Variants in WDR49 observed in about 807,000 individuals in gnomAD.
WDR49 encodes the protein cilia- and flagella-associated protein 337.
Under a neutral mutation model 119.5 loss-of-function variants are expected in WDR49, and 107 were observed. The ratio of observed to expected loss-of-function variants is 0.90; its 90% CI spans 0.77 to 1.05. The LOEUF is 1.05. Among genes scored for constraint, WDR49 ranks in the 50% least tolerant of loss-of-function variants. The pLI, the probability that WDR49 is intolerant of heterozygous loss-of-function variation, is 0.00. For missense variants in WDR49, 1,240 were observed against 1,220.5 expected (o/e 1.02, Z -0.24); for synonymous variants, 425 against 418.8 (o/e 1.01, Z -0.18).
In WDR49 at chr3:167,626,841, A is replaced by G; in HGVS notation, c.606+11T>C. On this transcript the variant is annotated intron_variant, in intron 3 of 18. Coordinates refer to ENST00000682715, the MANE Select transcript of WDR49 (RefSeq NM_001366157.1). ...TTACAAGCAGTACATTTTTTTATAA[A>G]GAGTCTGTACCTTGTTTACATTTTC... 8.9e-6 allele frequency: 11 copies of G among 1,234,862 alleles called. No homozygotes were observed. The highest frequency in any genetic ancestry group is 1.1e-5 in the Non-Finnish European group (11 of 988,324). The allele number at this position is 1,234,862 out of a possible 1,614,324, so 76.5% of individuals were successfully genotyped here.
chr3:167,569,997 C>A (rs1713839531), intron 8 of WDR49, among the ~76,000 whole-genome samples: 1 of 151,796 alleles, frequency 6.6e-6, no homozygotes, highest in African/African-American at 2.4e-5. Context: ...TGTGCATGTA[C>A]ATGTATGTTT....
At chr3:167,613,336 A>G (rs79035743) in intron 5 of WDR49, among the ~76,000 whole-genome samples, 3,444 of 152,332 alleles carry the variant, frequency 0.023, 122 homozygotes, top group African/African-American at 0.079. Flanking sequence ...GCACATGTCC[A>G]TGATACAAAT....
intron 18 of WDR49, among the ~76,000 whole-genome samples, chr3:167,499,302 A>G (rs1191444657): frequency 6.6e-6 from 1 of 152,162 alleles, no homozygotes; most frequent in Non-Finnish European, 1.5e-5. Context: ...TACTGCAAAC[A>G]TTATTATTTC....
chr3:167,603,766 C>T (rs1715892897), intron 6 of WDR49, among the ~76,000 whole-genome samples: 1 of 152,022 alleles, frequency 6.6e-6, no homozygotes, highest in Admixed American at 6.6e-5. Context: ...ACTTTTTTTA[C>T]ATCAAAAGAA....
intron 3 of WDR49, among the ~76,000 whole-genome samples, chr3:167,626,235 G>A (rs1189221884): frequency 1.3e-5 from 2 of 151,938 alleles, no homozygotes; most frequent in Non-Finnish European, 2.9e-5. Context: ...GATTAGCCGT[G>A]AATTGAAAAT....
intron 3 of WDR49, among the ~76,000 whole-genome samples, chr3:167,623,859 A>G (rs1716983828): frequency 6.6e-6 from 1 of 152,072 alleles, no homozygotes. Flanking sequence ...CTTCAGAAAG[A>G]TGCAGAATAT....
rs559889666 is a variant in WDR49, at chr3:167,600,837, G to A, written c.1275+1290C>T. 6.6e-5 allele frequency among the ~76,000 whole-genome samples: 10 copies of A among 152,336 alleles called. No individual in the cohort carries two copies. The South Asian group carries it at 1.0e-3, about 16-fold the overall frequency. On this transcript the variant is annotated intron_variant, in intron 7 of 18. Coordinates refer to ENST00000682715, the MANE Select transcript of WDR49 (RefSeq NM_001366157.1). ...TTGCAAAGCCATGAAACTGCATGGT[G>A]AGAAAAGATAATAATTTGATATGAT...
rs73878718 is a variant in WDR49 at position 167,478,784 on chromosome 3, T to C, written c.*94A>G. The C allele has an allele frequency of 4.1e-3, 3,480 of 857,352 alleles. 73 individuals carry two copies. In the African/African-American group the frequency reaches 0.049, roughly 12 times the overall value. The allele number at this position is 857,352 out of a possible 1,614,324, so 53.1% of individuals were successfully genotyped here. On this transcript the variant is annotated 3_prime_UTR_variant, in exon 19 of 19. Transcript: ENST00000682715. The stretch of plus-strand genomic sequence containing the variant: ...CATGAAGAGAAAACTTCCTGAAGTT[T>C]AAATATAAAATAAAATAAAAGGCAG...
intron 18 of WDR49, among the ~76,000 whole-genome samples, chr3:167,493,281 C>G (rs780784583): frequency 6.6e-6 from 1 of 152,184 alleles, no homozygotes. Context: ...AGCAGTTTCC[C>G]CTGTCAGCAG....
intron 9 of WDR49, among the ~76,000 whole-genome samples, chr3:167,557,452 A>T (rs1713000966): frequency 6.6e-6 from 1 of 152,198 alleles, no homozygotes; most frequent in African/African-American, 2.4e-5. Flanking sequence ...CAGAATAAGG[A>T]CTATCTATGC....
At chr3:167,526,997 A>G (rs1752659432) in intron 15 of WDR49, among the ~76,000 whole-genome samples, 1 of 152,194 alleles carries the variant, frequency 6.6e-6, no homozygotes, top group Admixed American at 6.5e-5. Context: ...TGGAACAGGA[A>G]AAGTTCCCAA....
intron 10 of WDR49, among the ~76,000 whole-genome samples, chr3:167,544,546 T>C (rs1389495299): frequency 6.6e-6 from 1 of 151,844 alleles, no homozygotes; most frequent in Non-Finnish European, 1.5e-5. Context: ...AACCAAATAC[T>C]TAAAGCCAAC....
intron 18 of WDR49, among the ~76,000 whole-genome samples, chr3:167,496,386 T>TCC (rs972209368): frequency 3.3e-5 from 5 of 152,052 alleles, no homozygotes; most frequent in Non-Finnish European, 5.9e-5. Flanking sequence ...TACATGTAGC[T>TCC]TTCTTAGCAC....
At chr3:167,548,925 G>A (rs973752801) in intron 10 of WDR49, among the ~76,000 whole-genome samples, 7 of 152,040 alleles carry the variant, frequency 4.6e-5, no homozygotes, top group African/African-American at 1.2e-4. Flanking sequence ...TCCCACCTAT[G>A]AGTGAGAACA....
intron 10 of WDR49, among the ~76,000 whole-genome samples, chr3:167,539,829 T>A (rs1342062101): frequency 6.6e-6 from 1 of 152,206 alleles, no homozygotes; most frequent in East Asian, 1.9e-4. Flanking sequence ...TACTTGTTTA[T>A]GTTCTATCTC....
intron 7 of WDR49, among the ~76,000 whole-genome samples, chr3:167,597,425 C>T (rs1003739005): frequency 7.2e-5 from 11 of 152,184 alleles, no homozygotes; most frequent in African/African-American, 2.4e-4. Flanking sequence ...AAAGCCTCCA[C>T]TAAGGCAGTT....
chr3:167,483,167 T>C (rs941234611), intron 18 of WDR49, among the ~76,000 whole-genome samples: 3 of 152,178 alleles, frequency 2.0e-5, no homozygotes, highest in Admixed American at 2.0e-4. Context: ...AAATGAAAGA[T>C]AGTATTTTCC....
At chr3:167,531,396 A>G in intron 12 of WDR49, 117 bp from the exon 13 acceptor site, 4 of 1,114,586 alleles carry the variant, frequency 3.6e-6, no homozygotes, top group Non-Finnish European at 5.1e-6. Flanking sequence ...CAAGTCTCAC[A>G]AGAGACTTCC....
intron 16 of WDR49, among the ~76,000 whole-genome samples, chr3:167,508,088 C>T (rs1751841572): frequency 6.6e-6 from 1 of 152,196 alleles, no homozygotes. Context: ...TCTAACTAAT[C>T]TCACTTCTCT....
Sources: allele counts gnomAD v4.1 joint callset (sites outside exome capture counted in the v4.1 genomes callset), GRCh38; gene constraint gnomAD v4.1.1; transcripts MANE v1.5; gene names NCBI Gene and HGNC (gene_info 2026-07-23, HGNC 2026-07-21).